The following BCAS1 variants were observed in gnomAD, a reference collection of about 807,000 sequenced individuals.
The protein encoded by BCAS1 is breast carcinoma-amplified sequence 1.
In BCAS1, 46 loss-of-function variants were observed where a neutral mutation model predicts 65.4. That is an observed-to-expected ratio of 0.70 (90% CI 0.55 to 0.90). BCAS1 has a LOEUF of 0.90. BCAS1 is among the 40% of genes least tolerant of loss of function. The probability of loss-of-function intolerance (pLI) is 0.00; values close to 1 mark genes in which losing one functional copy is unlikely to be tolerated. For missense variants in BCAS1, 793 were observed against 771.2 expected, an observed-to-expected ratio of 1.03 and a Z score of -0.33; for synonymous variants, 298 against 293.5, an observed-to-expected ratio of 1.02 and a Z score of -0.16.
intron 10 of BCAS1, among the ~76,000 whole-genome samples, chr20:53,958,970 T>C (rs1203061352): frequency 1.3e-5 from 2 of 152,194 alleles, no homozygotes; most frequent in Admixed American, 6.5e-5. Context: ...ATGAAGTTGC[T>C]GAATGTTAGA....
intron 8 of BCAS1, among the ~76,000 whole-genome samples, chr20:53,980,344 T>C (rs1363843286): frequency 1.3e-5 from 2 of 152,204 alleles, no homozygotes; most frequent in Non-Finnish European, 2.9e-5. Flanking sequence ...CGAAGACAGC[T>C]CCTTGCAATA....
intron 3 of BCAS1, among the ~76,000 whole-genome samples, chr20:54,042,005 A>C (rs2092009245): frequency 6.6e-6 from 1 of 151,850 alleles, no homozygotes; most frequent in South Asian, 2.1e-4. Flanking sequence ...AATATCTATT[A>C]ATACTTAAAA....
chr20:54,009,567 A>C (rs2091277469), intron 4 of BCAS1, among the ~76,000 whole-genome samples: 1 of 152,248 alleles, frequency 6.6e-6, no homozygotes, highest in Non-Finnish European at 1.5e-5. Flanking sequence ...AAGAAAATTG[A>C]ATTCATAATT....
intron 9 of BCAS1, among the ~76,000 whole-genome samples, chr20:53,972,990 G>A (rs1327054370): frequency 2.0e-5 from 3 of 152,220 alleles, no homozygotes; most frequent in Non-Finnish European, 2.9e-5. Context: ...CACTTTGAGA[G>A]GCCAAGGTGG....
chr20:53,964,422 T>C (rs1001194270), intron 10 of BCAS1, among the ~76,000 whole-genome samples: 1 of 152,220 alleles, frequency 6.6e-6, no homozygotes, highest in Non-Finnish European at 1.5e-5. Context: ...TTAGAATACC[T>C]GGAATTTTAA....
intron 3 of BCAS1, among the ~76,000 whole-genome samples, chr20:54,052,474 T>C (rs2092232981): frequency 6.6e-6 from 1 of 152,244 alleles, no homozygotes; most frequent in African/African-American, 2.4e-5. Flanking sequence ...CCATCTGCTA[T>C]AGCCTGAATG....
intron 10 of BCAS1, among the ~76,000 whole-genome samples, chr20:53,959,928 C>T (rs1324054239): frequency 6.6e-6 from 1 of 152,114 alleles, no homozygotes. Flanking sequence ...TTGGCTATTT[C>T]TTCCCTCCTC....
At chr20:54,046,386 G>A (rs1274938767) in intron 3 of BCAS1, among the ~76,000 whole-genome samples, 1 of 152,062 alleles carries the variant, frequency 6.6e-6, no homozygotes, top group Non-Finnish European at 1.5e-5. Flanking sequence ...AAGATTAGCT[G>A]GGTGTGGTGG....
chr20:54,035,890 C>A (rs1269162563), intron 3 of BCAS1, among the ~76,000 whole-genome samples: 1 of 151,140 alleles, frequency 6.6e-6, no homozygotes, highest in African/African-American at 2.4e-5. Flanking sequence ...AGAACGAGAT[C>A]ATGTCCTTTG....
chr20:53,946,727 A>G (rs1294713715), intron 12 of BCAS1, among the ~76,000 whole-genome samples: 1 of 151,274 alleles, frequency 6.6e-6, no homozygotes, highest in Non-Finnish European at 1.5e-5. Context: ...TGTATAGTAT[A>G]GTAAATAAAG....
In BCAS1 at chr20:53,944,815, G is replaced by A; in HGVS notation, c.*107C>T. On this transcript the variant is annotated 3_prime_UTR_variant, in exon 13 of 13. Coordinates refer to ENST00000688948, the MANE Select transcript of BCAS1 (RefSeq NM_001366298.2). Reference sequence around the variant, plus strand: ...TTAATTTCTAGGCAGAATTTCATTTGCTGGCCATCAGAAGAATATATACAT... The same window carrying A: ...TTAATTTCTAGGCAGAATTTCATTTACTGGCCATCAGAAGAATATATACAT... The A allele has an allele frequency of 9.5e-7, 1 of 1,052,682 alleles. No homozygotes were observed. Among genetic ancestry groups the A allele is most frequent in the Admixed American group, 1.7e-5 (1 of 58,570 alleles). The allele number at this position is 1,052,682 out of a possible 1,614,324, so 65.2% of individuals were successfully genotyped here.
Position 53,953,530 on chromosome 20 carries a change from G to T in BCAS1, c.1717C>A (p.Gln573Lys). ...EAKEPAQCTEQATVDTNSLQN... is the reference protein window; with the variant it reads ...EAKEPAQCTEKATVDTNSLQN... The stretch of plus-strand genomic sequence containing the variant: ...AGTGAGTTCGTGTCCACCGTGGCCT[G>T]CTCTGTGCACTGGGCTGGTTCTTTG... The change falls in exon 12 of 13, where the codon CAG (glutamine) becomes AAG (lysine). Residue 573 changes from glutamine to lysine, a missense_variant. Gln to Lys is a moderately conservative substitution (Grantham distance 53, BLOSUM62 1). Coordinates refer to ENST00000688948, the MANE Select transcript of BCAS1 (RefSeq NM_001366298.2). The T allele has an allele frequency of 6.2e-7, 1 of 1,613,962 alleles. No homozygotes were observed. The highest frequency in any genetic ancestry group is 8.5e-7 in the Non-Finnish European group (1 of 1,180,028).
intron 3 of BCAS1, among the ~76,000 whole-genome samples, chr20:54,056,603 T>A (rs1036447825): frequency 2.0e-5 from 3 of 151,988 alleles, no homozygotes; most frequent in Admixed American, 2.0e-4. Context: ...AAGCTATGAT[T>A]TTTTTTTAAA....
intron 3 of BCAS1, among the ~76,000 whole-genome samples, chr20:54,033,503 A>T (rs1168259791): frequency 6.6e-6 from 1 of 151,340 alleles, no homozygotes; most frequent in African/African-American, 2.4e-5. Context: ...AACAACCATC[A>T]GAGAATATTA....
At chr20:54,037,529 TG>T (rs1284407983) in intron 3 of BCAS1, among the ~76,000 whole-genome samples, 3 of 151,574 alleles carry the variant, frequency 2.0e-5, no homozygotes, top group Admixed American at 1.3e-4. Context: ...TTAGGATAAA[TG>T]TGTGTAACAA....
At chr20:54,033,526 T>A (rs917072179) in intron 3 of BCAS1, among the ~76,000 whole-genome samples, 2 of 151,244 alleles carry the variant, frequency 1.3e-5, no homozygotes, top group African/African-American at 4.8e-5. Flanking sequence ...AACATCTCTA[T>A]GCACATAAAC....
chr20:54,017,594 C>T (rs1002449969), intron 4 of BCAS1, among the ~76,000 whole-genome samples: 1 of 152,116 alleles, frequency 6.6e-6, no homozygotes, highest in Non-Finnish European at 1.5e-5. Context: ...TGGAGTTTCA[C>T]CATGTTGGCC....
chr20:53,944,788 G>T lies in BCAS1; in HGVS notation c.*134C>A. Reference sequence around the variant, plus strand: ...TACACCTCAATATACAACAGCTCGGGCTTAATTTCTAGGCAGAATTTCATT... The same window carrying T: ...TACACCTCAATATACAACAGCTCGGTCTTAATTTCTAGGCAGAATTTCATT... On this transcript the variant is annotated 3_prime_UTR_variant, in exon 13 of 13. Transcript: ENST00000688948. The T allele has an allele frequency of 1.2e-6, 1 of 860,504 alleles. No homozygotes were observed. The highest frequency in any genetic ancestry group is 2.0e-6 in the Non-Finnish European group (1 of 505,194). 53.3% of individuals were successfully genotyped at this position (860,504 alleles called of 1,614,324 possible). A position where few individuals can be genotyped will look rare whatever the true frequency, so the allele number is the denominator to read the frequency against.
intron 12 of BCAS1, among the ~76,000 whole-genome samples, chr20:53,953,041 C>T (rs186687506): frequency 4.6e-5 from 7 of 152,266 alleles, no homozygotes; most frequent in African/African-American, 1.2e-4. Flanking sequence ...GCATCTGCTA[C>T]GCACAAGACA....
Sources: allele counts gnomAD v4.1 joint callset (sites outside exome capture counted in the v4.1 genomes callset), GRCh38; gene constraint gnomAD v4.1.1; transcripts MANE v1.5; gene names NCBI Gene and HGNC (gene_info 2026-07-23, HGNC 2026-07-21).